PCDHGA7: variants seen among roughly 807,000 people sequenced by gnomAD.
The protein encoded by PCDHGA7 is protocadherin gamma-A7.
A neutral mutation model predicts 58.3 loss-of-function variants in PCDHGA7; 44 were observed. That is an observed-to-expected ratio of 0.75 (90% CI 0.59 to 0.97). The LOEUF is 0.97. PCDHGA7 is among the 50% of genes least tolerant of loss of function. The pLI is 0.00. For missense variants in PCDHGA7, 1,266 were observed against 1,188.7 expected, an observed-to-expected ratio of 1.06 and a Z score of -0.96; for synonymous variants, 516 against 504.2, an observed-to-expected ratio of 1.02 and a Z score of -0.31.
intron 1 of PCDHGA7, chr5:141,479,537 T>C (rs1299169562): frequency 6.6e-6 from 1 of 152,230 alleles, no homozygotes; most frequent in Non-Finnish European, 1.5e-5. Context: ...GTGGAGAAGG[T>C]CAAAACTGCT....
At chr5:141,389,424 G>T in intron 1 of PCDHGA7, 1 of 1,613,510 alleles carries the variant, frequency 6.2e-7, no homozygotes, top group Non-Finnish European at 8.5e-7. Context: ...GGTGGTGTTC[G>T]CGCAGCGCGC....
At chr5:141,478,644 T>G in intron 1 of PCDHGA7, 1 of 1,552,238 alleles carries the variant, frequency 6.4e-7, no homozygotes, top group South Asian at 1.2e-5. Context: ...GATGAAGATG[T>G]TTTCCTGGTG....
Position 141,487,494 on chromosome 5 carries a change from C to A in PCDHGA7, c.2425-7313C>A, listed in dbSNP as rs116370895. On this transcript the variant is annotated intron_variant, in intron 1 of 3. Transcript: ENST00000518325. The surrounding 1 kb of genome is among the most constrained non-coding windows in gnomAD (Gnocchi z 5.0). The stretch of plus-strand genomic sequence containing the variant: ...GGAGGCCACTCTCATGGCTGTACAC[C>A]CTTGGCTTCTGCACCCACTCGGAGT... 1,421 of 1,614,120 alleles carry A rather than the reference C, an allele frequency of 8.8e-4. 3 individuals are homozygous for A. Among genetic ancestry groups the A allele is most frequent in the Non-Finnish European group, 1.2e-3 (1,358 of 1,180,034 alleles).
chr5:141,389,827 G>A lies in PCDHGA7; in HGVS notation c.2424+4504G>A, dbSNP rs754189855. ...CTTCTGGTCGCCGTGCGTGACGGTG[G>A]ACAGCCACCACTCTCGGCCACTGCC... On this transcript the variant is annotated intron_variant, in intron 1 of 3. Transcript: ENST00000518325. The A allele has an allele frequency of 1.4e-5, 22 of 1,613,838 alleles. No individual in the cohort carries two copies. The African/African-American group carries it at 2.7e-4, about 20-fold the overall frequency.
In PCDHGA7 at chr5:141,489,068, G is replaced by GGC; in HGVS notation, c.2425-5739_2425-5738insGC. 1 of 291,558 alleles carries GGC rather than the reference G, an allele frequency of 3.4e-6. No individual in the cohort carries two copies. The allele number at this position is 291,558 out of a possible 1,614,324, so 18.1% of individuals were successfully genotyped here. ...CTCAAATTCAGCTCCCCTCCCCCCT[G>GGC]CCCACCCCCGCCACTCGGTGACTAA... On this transcript the variant is annotated intron_variant, in intron 1 of 3. Transcript: ENST00000518325. The surrounding 1 kb of genome is among the most constrained non-coding windows in gnomAD (Gnocchi z 4.5).
chr5:141,389,705 G>A (rs770533850), intron 1 of PCDHGA7: 2 of 1,612,552 alleles, frequency 1.2e-6, no homozygotes, highest in Admixed American at 3.3e-5. Context: ...ACCACGTGCT[G>A]CAGGCTAGCG....
intron 1 of PCDHGA7, chr5:141,394,974 A>T: frequency 6.2e-7 from 1 of 1,613,852 alleles, no homozygotes; most frequent in Non-Finnish European, 8.5e-7. Context: ...GCGCTGGCAC[A>T]AGTCACGCCT....
rs146919978 is a variant in PCDHGA7, at chr5:141,489,268, G to A, written c.2425-5539G>A. 1,443 of 1,553,166 alleles carry A rather than the reference G, an allele frequency of 9.3e-4. 2 individuals are homozygous for A. The highest frequency in any genetic ancestry group is 1.2e-3 in the Non-Finnish European group (1,381 of 1,149,786). On this transcript the variant is annotated intron_variant, in intron 1 of 3. Transcript: ENST00000518325. The surrounding 1 kb of genome is among the most constrained non-coding windows in gnomAD (Gnocchi z 4.5). ...GGGGCCCAAGACACTCCCACAGCTCGCTGGGAAATGGCAAGTGCTGTGCAT... is the reference window on the plus strand; with the variant it reads ...GGGGCCCAAGACACTCCCACAGCTCACTGGGAAATGGCAAGTGCTGTGCAT...
chr5:141,447,181 G>C (rs442221), intron 1 of PCDHGA7, among the ~76,000 whole-genome samples: 152,246 of 152,338 alleles, frequency 1, 76,078 homozygotes, highest in Middle Eastern at 1. Context: ...CTCTTGTCGC[G>C]CAGGCTGGAG....
In PCDHGA7 at chr5:141,485,037, C is replaced by T. The variant is rs2099605532; in HGVS notation, c.2425-9770C>T. 1.0e-5 allele frequency: 7 copies of T among 702,746 alleles called. No individual in the cohort carries two copies. Among genetic ancestry groups the T allele is most frequent in the Non-Finnish European group, 1.5e-5 (6 of 402,836 alleles). 43.5% of individuals were successfully genotyped at this position (702,746 alleles called of 1,614,324 possible). A position where few individuals can be genotyped will look rare whatever the true frequency, so the allele number is the denominator to read the frequency against. ...GCCACCAGCAAAAACGGCGCGTAAC[C>T]CTTGCGGCGCCGGCCGAACCGCGCC... is the stretch of plus-strand genomic sequence containing the variant. On this transcript the variant is annotated intron_variant, in intron 1 of 3. Transcript: ENST00000518325. The surrounding 1 kb of genome is among the most constrained non-coding windows in gnomAD (Gnocchi z 5.7).
At chr5:141,409,201 A>G (rs2095240333) in intron 1 of PCDHGA7, 1 of 1,614,044 alleles carries the variant, frequency 6.2e-7, no homozygotes, top group Non-Finnish European at 8.5e-7. Flanking sequence ...AGTGTAAAGT[A>G]ATCATAGAAA....
In PCDHGA7 at chr5:141,503,604, A is replaced by G. The variant is rs189211439; in HGVS notation, c.2484-1789A>G. 5.2e-3 allele frequency among the ~76,000 whole-genome samples: 793 copies of G among 151,946 alleles called. 3 individuals carry two copies. The highest frequency in any genetic ancestry group is 8.3e-3 in the Non-Finnish European group (566 of 67,924). On this transcript the variant is annotated intron_variant, in intron 2 of 3. Coordinates refer to ENST00000518325, the MANE Select transcript of PCDHGA7 (RefSeq NM_018920.4). ...ACAGAGCGAGACTCCAGCTCAAAAA[A>G]AAAAAAAAAAGAAAAAAGAAAAGAA...
At chr5:141,496,329 C>T (rs1435070517) in intron 2 of PCDHGA7, among the ~76,000 whole-genome samples, 2 of 152,186 alleles carry the variant, frequency 1.3e-5, no homozygotes, top group South Asian at 4.1e-4. Context: ...AGTTAGAAGT[C>T]AGGAGCCTGG....
rs1011341002 is a variant in PCDHGA7, at chr5:141,476,141, G to T, written c.2425-18666G>T. 1 of 1,610,048 alleles carries T rather than the reference G, an allele frequency of 6.2e-7. No individual in the cohort carries two copies. The highest frequency in any genetic ancestry group is 2.2e-5 in the East Asian group (1 of 44,844). On this transcript the variant is annotated intron_variant, in intron 1 of 3. Coordinates refer to ENST00000518325, the MANE Select transcript of PCDHGA7 (RefSeq NM_018920.4). The surrounding 1 kb of genome is among the most constrained non-coding windows in gnomAD (Gnocchi z 7.6). ...GATGGTCCCAGAGGCCTGGAGGAGC[G>T]GACTGGTAAGCACCGGGAGGGTAGT...
intron 1 of PCDHGA7, chr5:141,392,511 A>C (rs1368500575): frequency 4.2e-6 from 1 of 240,354 alleles, no homozygotes; most frequent in Non-Finnish European, 7.9e-6. Flanking sequence ...TTTTTTTCTC[A>C]GTAATCTAGT....
In PCDHGA7 at chr5:141,489,126, T is replaced by C; in HGVS notation, c.2425-5681T>C. ...TGCAAGCAGGCAAACCTCCGAGCAG[T>C]TTTTAAGAGGCTGGAAGGAGACATA... On this transcript the variant is annotated intron_variant, in intron 1 of 3. Coordinates refer to ENST00000518325, the MANE Select transcript of PCDHGA7 (RefSeq NM_018920.4). This position sits in a 1 kb window ranked among gnomAD's most constrained non-coding sequence, Gnocchi z 4.5. 1.7e-6 allele frequency: 1 copy of C among 585,136 alleles called. No individual in the cohort carries two copies. Among genetic ancestry groups the C allele is most frequent in the South Asian group, 3.2e-5 (1 of 31,406 alleles). The allele number at this position is 585,136 out of a possible 1,614,324, so 36.2% of individuals were successfully genotyped here. A position where few individuals can be genotyped will look rare whatever the true frequency, so the allele number is the denominator to read the frequency against.
At chr5:141,481,229 A>T (rs989963485) in intron 1 of PCDHGA7, among the ~76,000 whole-genome samples, 1 of 152,212 alleles carries the variant, frequency 6.6e-6, no homozygotes, top group Non-Finnish European at 1.5e-5. Flanking sequence ...TCCCAGCCTT[A>T]AAGTATTACA....
At chr5:141,408,313 T>A (rs375849626) in intron 1 of PCDHGA7, 28 of 1,613,640 alleles carry the variant, frequency 1.7e-5, no homozygotes, top group Non-Finnish European at 2.0e-5. Flanking sequence ...GCTACTCGAT[T>A]CCGGAGGAGC....
intron 1 of PCDHGA7, among the ~76,000 whole-genome samples, chr5:141,470,737 G>A (rs117064561): frequency 6.6e-6 from 1 of 152,016 alleles, no homozygotes; most frequent in African/African-American, 2.4e-5. Flanking sequence ...TTGCTCTGTC[G>A]CCCTGGCTGG....
Sources: allele counts gnomAD v4.1 joint callset (sites outside exome capture counted in the v4.1 genomes callset), GRCh38; gene constraint gnomAD v4.1.1; non-coding constraint Gnocchi (gnomAD v3.1); transcripts MANE v1.5; gene names NCBI Gene and HGNC (gene_info 2026-07-23, HGNC 2026-07-21).